The following TAF6 variants were observed in gnomAD, a reference collection of about 807,000 sequenced individuals.
TAF6 encodes TATA-box binding protein associated factor 6, also known as transcription initiation factor TFIID subunit 6.
A neutral mutation model predicts 73.5 loss-of-function variants in TAF6; 50 were observed. That is an observed-to-expected ratio of 0.68 (90% confidence interval 0.54 to 0.86). The LOEUF (loss-of-function observed/expected upper bound fraction) is 0.86. Among genes scored for constraint, TAF6 ranks in the 40% least tolerant of loss-of-function variants. The pLI is 0.00. For missense variants in TAF6, 768 were observed against 899.5 expected, an observed-to-expected ratio of 0.85 and a Z score of 1.87; for synonymous variants, 424 against 376.7, an observed-to-expected ratio of 1.13 and a Z score of -1.45.
chr7:100,122,423 C>A (rs771172138), upstream of TAF6: 2 of 1,614,066 alleles, frequency 1.2e-6, no homozygotes, highest in African/African-American at 1.3e-5. Context: ...CAACCCCCAA[C>A]GGAGCCCTGG....
upstream of TAF6, chr7:100,124,548 T>C: frequency 6.2e-7 from 1 of 1,612,886 alleles, no homozygotes; most frequent in Non-Finnish European, 8.5e-7. Flanking sequence ...GAAGACATTG[T>C]GGGAGACTGG....
Position 100,110,226 on chromosome 7 carries a change from C to A in TAF6, c.1132G>T (p.Ala378Ser), listed in dbSNP as rs768979958. ...TPWTTRYGSI[A>S]GLAELGHDVI... ...TCGTGTCCCAGCTCAGCCAAGCCTG[C>A]GATGGAGCCATAACGAGTCGTCCAG... The change falls in exon 11 of 15, where the codon GCA (alanine) becomes TCA (serine). Residue 378 changes from alanine to serine, a missense_variant. Physicochemically the swap from Ala to Ser is moderately conservative, Grantham distance 99. Around this residue, in one of 5 missense-constraint regions of TAF6, gnomAD observed 69 missense variants for 105.4 expected, o/e 0.65. Transcript: ENST00000453269. 1 of 1,614,124 alleles carries A rather than the reference C, an allele frequency of 6.2e-7. No homozygotes were observed. Among genetic ancestry groups the A allele is most frequent in the Non-Finnish European group, 8.5e-7 (1 of 1,179,996 alleles).
In TAF6 at chr7:100,112,415, C is replaced by CCAATGGCCA. The variant is rs377672911; in HGVS notation, c.575-171_575-163dup. Reference sequence around the variant, plus strand: ...TCTGGCCCTGACCTCAGCCACTTCACCAATGGCCACATGGAGGCCTGGCAT... The same window carrying CCAATGGCCA: ...TCTGGCCCTGACCTCAGCCACTTCACCAATGGCCACAATGGCCACATGGAGGCCTGGCAT... On this transcript the variant is annotated intron_variant, in intron 6 of 14. Coordinates refer to ENST00000453269, the MANE Select transcript of TAF6 (RefSeq NM_139315.3). Among the ~76,000 whole-genome samples, 616 of 152,312 alleles carry CCAATGGCCA rather than the reference C, an allele frequency of 4.0e-3. 3 individuals carry two copies. Among genetic ancestry groups the CCAATGGCCA allele is most frequent in the African/African-American group, 0.014 (579 of 41,570 alleles).
In TAF6 at chr7:100,112,898, C is replaced by A; in HGVS notation, c.474G>T (p.Lys158Asn). Residue 158 changes from lysine (K) to asparagine (N), a missense_variant, in exon 6 of 15, where the codon AAG becomes AAT. By Grantham distance (94) the Lys-to-Asn change is moderately conservative. Around this residue, in one of 5 missense-constraint regions of TAF6, gnomAD observed 269 missense variants for 268.0 expected, o/e 1.00. Transcript: ENST00000453269. ...NPPPAPKEQQ[K>N]AEATEPLKSA... is the part of the protein sequence containing the mutation. ...ACTTCAGGGGTTCTGTGGCTTCAGC[C>A]TTCTGTTGCTCTTTGGGAGCTGGTG... is the stretch of plus-strand genomic sequence containing the variant. 6.2e-7 allele frequency: 1 copy of A among 1,613,216 alleles called. No individual in the cohort carries two copies. The highest frequency in any genetic ancestry group is 8.5e-7 in the Non-Finnish European group (1 of 1,179,426).
chr7:100,119,007 G>C (rs1453096478), intron 1 of TAF6, 197 bp downstream of exon 1: 1 of 985,312 alleles, frequency 1.0e-6, no homozygotes, highest in African/African-American at 1.7e-5. Flanking sequence ...ACAGTCACAG[G>C]ATCTCCTCAG....
intron 14 of TAF6, 137 bp downstream of exon 14, chr7:100,107,789 G>T: frequency 7.3e-7 from 1 of 1,376,968 alleles, no homozygotes. Context: ...CTACAGCCCT[G>T]CAGGACCCTG....
upstream of TAF6, chr7:100,120,395 A>C (rs1329046014): frequency 6.6e-6 from 1 of 152,440 alleles, no homozygotes; most frequent in Non-Finnish European, 1.5e-5. Flanking sequence ...GAGACTTTGC[A>C]GACGGTGCGT....
chr7:100,114,177 G>T lies in TAF6; in HGVS notation c.33C>A (p.Asn11Lys). The T allele has an allele frequency of 6.2e-7, 1 of 1,614,232 alleles. No homozygotes were observed. The highest frequency in any genetic ancestry group is 1.1e-5 in the South Asian group (1 of 91,088). MAEEKKLKLS[N>K]TVLPSESMKV... ...TCATGGACTCCGAGGGCAGCACAGT[G>T]TTGCTAAGCTTCAGCTTCTTCTCCT... is the stretch of plus-strand genomic sequence containing the variant. Residue 11 changes from asparagine (N) to lysine (K), a missense_variant, in exon 2 of 15, where the codon AAC becomes AAA. Transcript: ENST00000453269.
At chr7:100,110,843 G>C (rs563037108) in intron 10 of TAF6, among the ~76,000 whole-genome samples, 1 of 151,982 alleles carries the variant, frequency 6.6e-6, no homozygotes, top group South Asian at 2.1e-4. Flanking sequence ...TTAGCCAGTT[G>C]TGGTGGCAGG....
Position 100,107,137 on chromosome 7 carries a change from T to G in TAF6, c.*109A>C. 6.9e-7 allele frequency: 1 copy of G among 1,440,908 alleles called. No homozygotes were observed. The highest frequency in any genetic ancestry group is 9.2e-7 in the Non-Finnish European group (1 of 1,081,996). 89.3% of individuals were successfully genotyped at this position (1,440,908 alleles called of 1,614,324 possible). A position where few individuals can be genotyped will look rare whatever the true frequency, so the allele number is the denominator to read the frequency against. ...TACAATATCTAAAAAGAAAGTGACA[T>G]GAAGGAAGCAATCTACAACTTCCTT... On this transcript the variant is annotated 3_prime_UTR_variant, in exon 15 of 15. Coordinates refer to ENST00000453269, the MANE Select transcript of TAF6 (RefSeq NM_139315.3).
Position 100,108,491 on chromosome 7 carries a change from T to C in TAF6, c.1334A>G (p.Gln445Arg). The change falls in exon 13 of 15, where the codon CAG becomes CGG. Residue 445 changes from glutamine (Q) to arginine (R), a missense_variant. Around this residue, in one of 5 missense-constraint regions of TAF6, gnomAD observed 350 missense variants for 352.3 expected, o/e 0.99. Transcript: ENST00000453269. ...LAKLRPPPDN[Q>R]DAYRAEFGSL... ...CCCGAATTCTGCCCGATAGGCGTCC[T>C]GATTGTCAGGCGGTGGGCGCAGCTT... 6.2e-7 allele frequency: 1 copy of C among 1,613,542 alleles called. No homozygotes were observed. The highest frequency in any genetic ancestry group is 8.5e-7 in the Non-Finnish European group (1 of 1,179,642).
intron 12 of TAF6, among the ~76,000 whole-genome samples, chr7:100,109,620 C>A (rs941970797): frequency 7.1e-6 from 1 of 141,148 alleles, no homozygotes; most frequent in African/African-American, 2.6e-5. Flanking sequence ...CCTCGGCCTC[C>A]CTAGTAGCTG....
rs200219390 is a variant in TAF6 at position 100,110,993 on chromosome 7, AAAG to A, written c.1083+143_1083+145del. 2.0e-3 allele frequency: 1,789 copies of A among 905,804 alleles called. 15 individuals carry two copies. In the African/African-American group the frequency reaches 0.027, roughly 14 times the overall value. 56.1% of individuals were successfully genotyped at this position (905,804 alleles called of 1,614,324 possible). A position where few individuals can be genotyped will look rare whatever the true frequency, so the allele number is the denominator to read the frequency against. On this transcript the variant is annotated intron_variant, in intron 10 of 14. Coordinates refer to ENST00000453269, the MANE Select transcript of TAF6 (RefSeq NM_139315.3). Reference sequence around the variant, plus strand: ...AGACTCCATCTCAAAAAAAAAAAAAAAAGGTATTACAGACAAGCCTCAAGACCC... The same window carrying A: ...AGACTCCATCTCAAAAAAAAAAAAAAGTATTACAGACAAGCCTCAAGACCC...
chr7:100,107,558 G>A lies in TAF6; in HGVS notation c.1722C>T (p.Thr574=), dbSNP rs145939245. 1.7e-3 allele frequency: 2,760 copies of A among 1,613,974 alleles called. 6 individuals are homozygous for A. The highest frequency in any genetic ancestry group is 0.013 in the African/African-American group (1,006 of 75,022). ...TGACGATGGGCTGCACGCTGGGGAC[G>A]GTGGTGGTGACGGGCGAAGTGGTGG... The part of the protein sequence containing the change: ...GSTTTSPVTT[T]VPSVQPIVKL... The change falls in exon 15 of 15, where the codon ACC becomes ACT. Residue 574 remains threonine, a synonymous_variant. Transcript: ENST00000453269.
upstream of TAF6, chr7:100,122,907 G>A: frequency 6.2e-7 from 1 of 1,611,960 alleles, no homozygotes; most frequent in Non-Finnish European, 8.5e-7. Flanking sequence ...CAAGAAGCAG[G>A]TAGGATAAGA....
chr7:100,116,322 G>A (rs1452790456), intron 1 of TAF6, among the ~76,000 whole-genome samples: 1 of 151,998 alleles, frequency 6.6e-6, no homozygotes, highest in African/African-American at 2.4e-5. Flanking sequence ...AGGAATTCCT[G>A]ACCACCCTGG....
chr7:100,124,653 C>G, upstream of TAF6: 1 of 1,611,730 alleles, frequency 6.2e-7, no homozygotes, highest in Non-Finnish European at 8.5e-7. Flanking sequence ...GGTTGAACTC[C>G]TCTCCTGCCA....
the TAF6 span, chr7:100,124,861 C>A: frequency 1.9e-6 from 3 of 1,603,050 alleles, no homozygotes; most frequent in African/African-American, 2.7e-5. Context: ...CAGGAAGCCA[C>A]CCCAAACTTG....
chr7:100,109,627 G>C (rs1476071437), intron 12 of TAF6, among the ~76,000 whole-genome samples: 2 of 84,194 alleles, frequency 2.4e-5, no homozygotes. Flanking sequence ...CTCCCTAGTA[G>C]CTGGGACCAC....
Sources: allele counts gnomAD v4.1 joint callset (sites outside exome capture counted in the v4.1 genomes callset), GRCh38; gene constraint gnomAD v4.1.1; regional missense constraint gnomAD v4.1.1; transcripts MANE v1.5; gene names NCBI Gene and HGNC (gene_info 2026-07-23, HGNC 2026-07-21).